NCKAP5: variants seen among roughly 807,000 people sequenced by gnomAD.
NCKAP5 encodes the protein NCK associated protein 5, also known as nck-associated protein 5.
A neutral mutation model predicts 167.0 loss-of-function variants in NCKAP5; 92 were observed. The ratio of observed to expected loss-of-function variants is 0.55; its 90% CI spans 0.47 to 0.66. The LOEUF is 0.66. Ranked by LOEUF, NCKAP5 falls within the 30% of genes least tolerant of loss-of-function variation. The pLI, the probability that NCKAP5 is intolerant of heterozygous loss-of-function variation, is 0.00. For missense variants in NCKAP5, 2,378 were observed against 2,315.0 expected (o/e 1.03, Z -0.56); for synonymous variants, 891 against 877.4 (o/e 1.02, Z -0.27).
intron 6 of NCKAP5, among the ~76,000 whole-genome samples, chr2:133,074,460 A>G (rs1299905636): frequency 6.6e-6 from 1 of 152,158 alleles, no homozygotes; most frequent in Non-Finnish European, 1.5e-5. Flanking sequence ...CCTGAGGCTC[A>G]AATGATCCTC....
chr2:133,052,869 T>C (rs2079653658), intron 6 of NCKAP5, among the ~76,000 whole-genome samples: 2 of 152,192 alleles, frequency 1.3e-5, no homozygotes, highest in African/African-American at 2.4e-5. Flanking sequence ...ACAAATAGAA[T>C]AATTACATTA....
intron 6 of NCKAP5, among the ~76,000 whole-genome samples, chr2:133,022,868 G>A (rs530858482): frequency 9.2e-5 from 14 of 152,128 alleles, no homozygotes; most frequent in East Asian, 7.7e-4. Flanking sequence ...CATCTTCCTC[G>A]CCCCTACACT....
At chr2:133,276,752 C>A (rs1042366923) in intron 4 of NCKAP5, among the ~76,000 whole-genome samples, 2 of 151,928 alleles carry the variant, frequency 1.3e-5, no homozygotes, top group Non-Finnish European at 2.9e-5. Flanking sequence ...AATGAAATGA[C>A]AGGGTGATGT....
intron 11 of NCKAP5, among the ~76,000 whole-genome samples, chr2:132,841,745 T>C (rs2105426768): frequency 6.6e-6 from 1 of 152,240 alleles, no homozygotes; most frequent in South Asian, 2.1e-4. Flanking sequence ...CAAGCACAAA[T>C]GCAAGATCTT....
intron 8 of NCKAP5, among the ~76,000 whole-genome samples, chr2:132,923,906 C>T (rs941838506): frequency 2.0e-5 from 3 of 152,308 alleles, no homozygotes; most frequent in East Asian, 3.9e-4. Flanking sequence ...AGTCTGTCCT[C>T]CCCTAACCAT....
intron 3 of NCKAP5, among the ~76,000 whole-genome samples, chr2:133,482,847 C>G (rs568793637): frequency 5.3e-5 from 8 of 152,236 alleles, no homozygotes; most frequent in Non-Finnish European, 1.2e-4. Context: ...TTACTCTAAC[C>G]CACCAACTCA....
At chr2:132,732,243 G>A (rs1691096581) in intron 16 of NCKAP5, among the ~76,000 whole-genome samples, 192 bp from the exon 17 acceptor site, 1 of 145,782 alleles carries the variant, frequency 6.9e-6, no homozygotes, top group Non-Finnish European at 1.5e-5. Context: ...ATTGAACAAT[G>A]AGAACACTTG....
intron 11 of NCKAP5, among the ~76,000 whole-genome samples, chr2:132,835,036 T>A (rs1687791306): frequency 6.6e-6 from 1 of 152,174 alleles, no homozygotes; most frequent in South Asian, 2.1e-4. Context: ...AATGCTGAAT[T>A]TTATCCATTT....
intron 7 of NCKAP5, among the ~76,000 whole-genome samples, chr2:132,987,276 T>G (rs924076961): frequency 6.6e-6 from 1 of 152,100 alleles, no homozygotes; most frequent in Admixed American, 6.6e-5. Flanking sequence ...AGTCAAAAAT[T>G]TCCTGCCACC....
intron 4 of NCKAP5, among the ~76,000 whole-genome samples, chr2:133,229,287 A>G (rs926779651): frequency 6.6e-6 from 1 of 152,216 alleles, no homozygotes; most frequent in African/African-American, 2.4e-5. Flanking sequence ...CATCTATTTC[A>G]CTGACACAGT....
At chr2:133,674,737 T>G in the NCKAP5 span, among the ~76,000 whole-genome samples, 2 of 152,188 alleles carry the variant, frequency 1.3e-5, no homozygotes, top group African/African-American at 4.8e-5. Context: ...GCTTTCTCTT[T>G]CATTCGATCA....
the NCKAP5 span, among the ~76,000 whole-genome samples, chr2:133,589,548 T>A: frequency 6.6e-6 from 1 of 151,840 alleles, no homozygotes; most frequent in East Asian, 1.9e-4. Flanking sequence ...GATCTGGGAG[T>A]TGTCAGCATA....
the NCKAP5 span, among the ~76,000 whole-genome samples, chr2:133,651,052 G>A: frequency 2.0e-5 from 3 of 152,114 alleles, no homozygotes; most frequent in Non-Finnish European, 2.9e-5. Context: ...AGACTGAAAC[G>A]TAAGACCTGA....
chr2:133,122,200 G>GT, intron 6 of NCKAP5: 1 of 152,154 alleles, frequency 6.6e-6, no homozygotes, highest in South Asian at 2.1e-4. Context: ...AACTATAAAC[G>GT]TAAGAAAAGT....
intron 3 of NCKAP5, among the ~76,000 whole-genome samples, chr2:133,470,754 G>A (rs1412973917): frequency 1.3e-5 from 2 of 152,236 alleles, no homozygotes; most frequent in African/African-American, 2.4e-5. Context: ...ACAGTATTCA[G>A]GTGGGAGTGA....
chr2:132,800,075 T>C (rs1327284225), intron 11 of NCKAP5, among the ~76,000 whole-genome samples: 2 of 152,192 alleles, frequency 1.3e-5, no homozygotes, highest in African/African-American at 4.8e-5. Flanking sequence ...CATGTGTGTG[T>C]ATAGCATCAC....
chr2:132,842,638 C>T (rs1688372218), intron 11 of NCKAP5, among the ~76,000 whole-genome samples: 1 of 152,034 alleles, frequency 6.6e-6, no homozygotes, highest in Non-Finnish European at 1.5e-5. Flanking sequence ...CTGCCTCAAC[C>T]TCCTGGGCTC....
At chr2:133,059,682 AAAAG>A (rs1184751668) in intron 6 of NCKAP5, among the ~76,000 whole-genome samples, 10 of 152,066 alleles carry the variant, frequency 6.6e-5, no homozygotes, top group African/African-American at 1.7e-4. Context: ...TCAAAAAAAA[AAAAG>A]AAAGAAAAGA....
At chr2:132,886,163 T>C (rs930194803) in intron 8 of NCKAP5, among the ~76,000 whole-genome samples, 5 of 113,822 alleles carry the variant, frequency 4.4e-5, no homozygotes, top group African/African-American at 2.1e-4. Flanking sequence ...GGGGACACCT[T>C]TAAATTAAAA....
Sources: allele counts gnomAD v4.1 joint callset (sites outside exome capture counted in the v4.1 genomes callset), GRCh38; gene constraint gnomAD v4.1.1; transcripts MANE v1.5; gene names NCBI Gene and HGNC (gene_info 2026-07-23, HGNC 2026-07-21).